The following SEC23B variants were observed in gnomAD, a reference collection of about 807,000 sequenced individuals.
SEC23B encodes the protein SEC23 homolog B, COPII component.
Under a neutral mutation model 104.3 loss-of-function variants are expected in SEC23B, and 77 were observed. That is an observed-to-expected ratio of 0.74 (90% CI 0.61 to 0.89). SEC23B has a LOEUF of 0.89. SEC23B is among the 40% of genes least tolerant of loss of function. The pLI is 0.00. For missense variants in SEC23B, 885 were observed against 949.4 expected, an observed-to-expected ratio of 0.93 and a Z score of 0.89; for synonymous variants, 338 against 332.5, an observed-to-expected ratio of 1.02 and a Z score of -0.18.
chr20:18,546,312 T>C (rs1301111545), intron 15 of SEC23B, among the ~76,000 whole-genome samples: 2 of 152,184 alleles, frequency 1.3e-5, no homozygotes, highest in African/African-American at 2.4e-5. Flanking sequence ...ATATCTCTCA[T>C]GTGTAGAAGT....
intron 4 of SEC23B, among the ~76,000 whole-genome samples, chr20:18,517,846 G>A (rs2060043694): frequency 6.6e-6 from 1 of 152,186 alleles, no homozygotes; most frequent in African/African-American, 2.4e-5. Flanking sequence ...AAGACACAAG[G>A]TCCAAATAAG....
chr20:18,512,221 ACAGT>A lies in SEC23B; in HGVS notation c.222_225del (p.Cys74TrpfsTer30). 7.0e-6 allele frequency: 11 copies of A among 1,569,980 alleles called. No homozygotes were observed. The highest frequency in any genetic ancestry group is 1.4e-5 in the African/African-American group (1 of 74,026). On this transcript the variant is annotated splice_acceptor_variant and splice_polypyrimidine_tract_variant and coding_sequence_variant and intron_variant, in exon 3 of 20. Coordinates refer to ENST00000650089, the MANE Select transcript of SEC23B (RefSeq NM_006363.6). LOFTEE classifies it high-confidence loss of function. ...CCTACTTATAATATTTATCTTTCTC[ACAGT>A]CAGGTTGATTATCGAGCAAAACTTT...
At chr20:18,526,733 C>G (rs1044055813) in intron 8 of SEC23B, among the ~76,000 whole-genome samples, 2 of 152,134 alleles carry the variant, frequency 1.3e-5, no homozygotes, top group African/African-American at 4.8e-5. Flanking sequence ...TAAAACTACT[C>G]AAAGGGTTTT....
chr20:18,534,974 C>T (rs180723608), intron 11 of SEC23B, among the ~76,000 whole-genome samples: 2 of 152,206 alleles, frequency 1.3e-5, no homozygotes, highest in Non-Finnish European at 2.9e-5. Flanking sequence ...ACACCTGCTT[C>T]CTTTAGAAAA....
At chr20:18,549,432 C>A (rs770849081) in intron 16 of SEC23B, among the ~76,000 whole-genome samples, 3 of 151,936 alleles carry the variant, frequency 2.0e-5, no homozygotes, top group Non-Finnish European at 2.9e-5. Flanking sequence ...CAAGTCTGTA[C>A]ATGTACAGTA....
At chr20:18,520,992 G>A (rs556159079) in intron 4 of SEC23B, among the ~76,000 whole-genome samples, 22 of 152,094 alleles carry the variant, frequency 1.4e-4, no homozygotes, top group Non-Finnish European at 2.2e-4. Context: ...GATGGGACAC[G>A]GCTTAGGAAG....
chr20:18,536,415 G>A (rs1171255860), intron 12 of SEC23B, among the ~76,000 whole-genome samples: 4 of 152,254 alleles, frequency 2.6e-5, no homozygotes, highest in East Asian at 1.9e-4. Flanking sequence ...TATAACGGCC[G>A]GGTGCTGTGG....
chr20:18,560,636 A>G lies in SEC23B; in HGVS notation c.2215-15A>G, dbSNP rs750180838. On this transcript the variant is annotated splice_polypyrimidine_tract_variant and intron_variant, in intron 19 of 19. Coordinates refer to ENST00000650089, the MANE Select transcript of SEC23B (RefSeq NM_006363.6). ...CTAAGATATCTGCCAACTAATCTTT[A>G]TCATTACATTTCAGGAAACTGGAGC... 6.2e-7 allele frequency: 1 copy of G among 1,600,390 alleles called. No homozygotes were observed. Among genetic ancestry groups the G allele is most frequent in the South Asian group, 1.1e-5 (1 of 90,808 alleles).
At chr20:18,533,534 G>A (rs560914148) in intron 11 of SEC23B, among the ~76,000 whole-genome samples, 2 of 152,322 alleles carry the variant, frequency 1.3e-5, no homozygotes, top group South Asian at 2.1e-4. Context: ...GGCAAATGGG[G>A]ATAATAACAG....
chr20:18,513,186 A>G lies in SEC23B; in HGVS notation c.279+904A>G, dbSNP rs138816996. ...CAACAGAGCAAGACTCCGTCTCAAA[A>G]TAAAATAAAAAATTAGCTGGACATG... On this transcript the variant is annotated intron_variant, in intron 3 of 19. Coordinates refer to ENST00000650089, the MANE Select transcript of SEC23B (RefSeq NM_006363.6). Among the ~76,000 whole-genome samples the G allele has an allele frequency of 1.7e-3, 254 of 152,124 alleles. 1 individual carries two copies. Among genetic ancestry groups the G allele is most frequent in the African/African-American group, 5.9e-3 (243 of 41,490 alleles).
intron 19 of SEC23B, among the ~76,000 whole-genome samples, chr20:18,560,163 G>A (rs1003609471): frequency 3.3e-5 from 5 of 151,654 alleles, no homozygotes; most frequent in African/African-American, 1.2e-4. Context: ...ACTACAAATT[G>A]AGGTTTCTAT....
intron 15 of SEC23B, among the ~76,000 whole-genome samples, chr20:18,548,175 T>C (rs994809650): frequency 3.3e-5 from 5 of 152,014 alleles, no homozygotes; most frequent in African/African-American, 1.2e-4. Flanking sequence ...GGTCTTGAAC[T>C]CCCGACCTCA....
rs1159035027 is a variant in SEC23B, at chr20:18,510,829, T to G, written c.-7T>G. ...TTAAAGTTTTATCTTCAGTTCCCTT[T>G]TAGACTATGGCGACATACCTGGAGT... On this transcript the variant is annotated 5_prime_UTR_variant, in exon 2 of 20. Coordinates refer to ENST00000650089, the MANE Select transcript of SEC23B (RefSeq NM_006363.6). The G allele has an allele frequency of 6.2e-7, 1 of 1,612,988 alleles. No individual in the cohort carries two copies. Among genetic ancestry groups the G allele is most frequent in the East Asian group, 2.2e-5 (1 of 44,876 alleles).
At chr20:18,540,216 T>C (rs1297499947) in intron 12 of SEC23B, among the ~76,000 whole-genome samples, 1 of 152,258 alleles carries the variant, frequency 6.6e-6, no homozygotes, top group African/African-American at 2.4e-5. Context: ...GAAATGTGTT[T>C]CTTAAATTTA....
intron 11 of SEC23B, among the ~76,000 whole-genome samples, chr20:18,533,994 G>T (rs1015509636): frequency 6.6e-6 from 1 of 152,182 alleles, no homozygotes; most frequent in Non-Finnish European, 1.5e-5. Flanking sequence ...GAATGAGGAT[G>T]CAAAGAATAG....
At chr20:18,553,201 C>T (rs946729362) in intron 17 of SEC23B, among the ~76,000 whole-genome samples, 7 of 152,246 alleles carry the variant, frequency 4.6e-5, no homozygotes, top group South Asian at 2.1e-4. Context: ...AAGTCCTGAG[C>T]GTGCTGAACG....
At chr20:18,557,201 A>T (rs1012973880) in intron 19 of SEC23B, among the ~76,000 whole-genome samples, 1 of 151,734 alleles carries the variant, frequency 6.6e-6, no homozygotes, top group Non-Finnish European at 1.5e-5. Context: ...CTGCCTTCCC[A>T]TGAGTTATTT....
intron 1 of SEC23B, chr20:18,509,598 A>AT (rs201411359): frequency 0.1 from 15,344 of 150,822 alleles, 981 homozygotes; most frequent in East Asian, 0.27. Flanking sequence ...CACAGTCTTC[A>AT]TTTTTTTTTT....
At chr20:18,547,773 G>A (rs1194060202) in intron 15 of SEC23B, among the ~76,000 whole-genome samples, 1 of 151,924 alleles carries the variant, frequency 6.6e-6, no homozygotes, top group Non-Finnish European at 1.5e-5. Flanking sequence ...CTCATAACTC[G>A]TAGCCCGAGT....
Sources: gnomAD v4.1 joint callset for allele counts (sites outside exome capture counted in the v4.1 genomes callset) on GRCh38, gnomAD v4.1.1 for gene constraint, MANE v1.5 for transcripts, NCBI Gene and HGNC (gene_info 2026-07-23, HGNC 2026-07-21) for gene names.